Variants in PCDHGB7 observed in about 807,000 individuals in gnomAD.
PCDHGB7 encodes protocadherin gamma-B7.
A neutral mutation model predicts 61.4 loss-of-function variants in PCDHGB7; 37 were observed. That is an observed-to-expected ratio of 0.60 (90% CI 0.46 to 0.79). The LOEUF is 0.79. Ranked by LOEUF, PCDHGB7 falls within the 30% of genes least tolerant of loss-of-function variation. The pLI, the probability that PCDHGB7 is intolerant of heterozygous loss-of-function variation, is 0.00. For synonymous variants in PCDHGB7, 464 were observed against 503.5 expected (o/e 0.92, Z 1.05); for missense variants, 1,166 against 1,202.5 (o/e 0.97, Z 0.45).
intron 1 of PCDHGB7, chr5:141,478,700 C>A: frequency 1.3e-6 from 2 of 1,549,172 alleles, no homozygotes; most frequent in Non-Finnish European, 1.7e-6. Flanking sequence ...AAAGTTAGTG[C>A]CTTTGTGAGA....
intron 1 of PCDHGB7, chr5:141,430,951 C>T (rs200771871): frequency 3.2e-5 from 51 of 1,610,496 alleles, no homozygotes; most frequent in African/African-American, 1.5e-4. Context: ...AGCGCGGAGT[C>T]CGCATCATCC....
intron 1 of PCDHGB7, among the ~76,000 whole-genome samples, chr5:141,448,632 T>G (rs1383720361): frequency 1.3e-5 from 2 of 152,106 alleles, no homozygotes; most frequent in Admixed American, 1.3e-4. Context: ...TTCTTCACAT[T>G]ATATCCTTTA....
Position 141,485,538 on chromosome 5 carries a change from A to T in PCDHGB7, c.2416-9269A>T. ...TTGGAAATGTACCGAGCAGAGGTAG[A>T]GATCGTAGATGTGAATGATCACGCC... On this transcript the variant is annotated intron_variant, in intron 1 of 3. Transcript: ENST00000398594. The surrounding 1 kb of genome is among the most constrained non-coding windows in gnomAD (Gnocchi z 5.7). The T allele has an allele frequency of 6.2e-7, 1 of 1,614,162 alleles. No individual in the cohort carries two copies. Among genetic ancestry groups the T allele is most frequent in the Admixed American group, 1.7e-5 (1 of 60,012 alleles).
intron 1 of PCDHGB7, chr5:141,429,169 T>TACAC (rs10667977): frequency 0.077 from 11,199 of 145,388 alleles, 458 homozygotes; most frequent in African/African-American, 0.081. Flanking sequence ...ACATTGTTTA[T>TACAC]ACACACACAC....
chr5:141,486,565 TC>T lies in PCDHGB7; in HGVS notation c.2416-8240del. The T allele has an allele frequency of 6.2e-7, 1 of 1,614,024 alleles. No homozygotes were observed. The highest frequency in any genetic ancestry group is 2.2e-5 in the East Asian group (1 of 44,880). On this transcript the variant is annotated intron_variant, in intron 1 of 3. Transcript: ENST00000398594. This position sits in a 1 kb window ranked among gnomAD's most constrained non-coding sequence, Gnocchi z 5.0. Reference sequence around the variant, plus strand: ...TTCAGAGGTCACATGAGGTGTTTGTTCCTGAGAACAATCGCCCAGGGGACCT... The same window carrying T: ...TTCAGAGGTCACATGAGGTGTTTGTTCTGAGAACAATCGCCCAGGGGACCT...
At chr5:141,433,951 A>G (rs2097667078) in intron 1 of PCDHGB7, among the ~76,000 whole-genome samples, 1 of 152,032 alleles carries the variant, frequency 6.6e-6, no homozygotes, top group African/African-American at 2.4e-5. Context: ...TGTTTCTTCT[A>G]CAGTTGTTAA....
At position 141,476,638 on chromosome 5, in the gene PCDHGB7, G is replaced by A. The variant is rs997136356; in HGVS notation, c.2416-18169G>A. On this transcript the variant is annotated intron_variant, in intron 1 of 3. Transcript: ENST00000398594. This position sits in a 1 kb window ranked among gnomAD's most constrained non-coding sequence, Gnocchi z 7.6. ...GCAACTCTTTACAAACCTATGAGCT[G>A]AGCCGAAATGAATACTTTGCGCTTC... 1.9e-6 allele frequency: 3 copies of A among 1,614,268 alleles called. No homozygotes were observed. Among genetic ancestry groups the A allele is most frequent in the Middle Eastern group, 1.6e-4 (1 of 6,062 alleles).
In PCDHGB7 at chr5:141,431,710, G is replaced by A. The variant is rs1249423969; in HGVS notation, c.2415+11436G>A. On this transcript the variant is annotated intron_variant, in intron 1 of 3. Coordinates refer to ENST00000398594, the MANE Select transcript of PCDHGB7 (RefSeq NM_018927.4). The surrounding 1 kb of genome is among the most constrained non-coding windows in gnomAD (Gnocchi z 4.8). ...ACGAGGAGTCAGGATTCTACCAGAT[G>A]GAAGTGCAAGCAATGGATAATGCAG... is the stretch of plus-strand genomic sequence containing the variant. 3.1e-6 allele frequency: 5 copies of A among 1,614,116 alleles called. No individual in the cohort carries two copies. Among genetic ancestry groups the A allele is most frequent in the South Asian group, 1.1e-5 (1 of 91,088 alleles).
intron 1 of PCDHGB7, chr5:141,441,837 G>A (rs952709777): frequency 2.8e-6 from 1 of 354,138 alleles, no homozygotes. Context: ...ATGGCTTCGC[G>A]CTCTTGGATA....
At position 141,512,047 on chromosome 5, in the gene PCDHGB7, C is replaced by T. The variant is rs1183612907; in HGVS notation, c.*874C>T. 1 of 152,722 alleles carries T rather than the reference C, an allele frequency of 6.5e-6. No individual in the cohort carries two copies. The highest frequency in any genetic ancestry group is 1.5e-5 in the Non-Finnish European group (1 of 68,120). The allele number at this position is 152,722 out of a possible 1,614,324, so 9.5% of individuals were successfully genotyped here. A position where few individuals can be genotyped will look rare whatever the true frequency, so the allele number is the denominator to read the frequency against. On this transcript the variant is annotated 3_prime_UTR_variant, in exon 4 of 4. Coordinates refer to ENST00000398594, the MANE Select transcript of PCDHGB7 (RefSeq NM_018927.4). The stretch of plus-strand genomic sequence containing the variant: ...CCTTGGAGGAGGCTCTGTATGTCCT[C>T]AGGGGACTGACAACATCCTCCAGAT...
intron 1 of PCDHGB7, among the ~76,000 whole-genome samples, chr5:141,442,726 C>A (rs1160438073): frequency 2.6e-5 from 4 of 152,060 alleles, no homozygotes; most frequent in Non-Finnish European, 5.9e-5. Context: ...GCATTTGGGG[C>A]CTGTAGGTAA....
rs759809591 is a variant in PCDHGB7 at position 141,511,048 on chromosome 5, C to T, written c.2665C>T (p.Arg889Cys). The change falls in exon 4 of 4, where the codon CGC becomes TGC. Residue 889 changes from arginine (R) to cysteine (C), a missense_variant. Coordinates refer to ENST00000398594, the MANE Select transcript of PCDHGB7 (RefSeq NM_018927.4). ...QFTLQHVPDY[R>C]QNVYIPGSNA... ...CACCCTGCAGCACGTGCCCGACTAC[C>T]GCCAGAATGTCTACATCCCAGGCAG... 9 of 1,614,224 alleles carry T rather than the reference C, an allele frequency of 5.6e-6. No individual in the cohort carries two copies. The highest frequency in any genetic ancestry group is 1.7e-5 in the Admixed American group (1 of 60,034).
chr5:141,476,747 C>T lies in PCDHGB7; in HGVS notation c.2416-18060C>T. The T allele has an allele frequency of 6.2e-7, 1 of 1,614,066 alleles. No homozygotes were observed. The highest frequency in any genetic ancestry group is 8.5e-7 in the Non-Finnish European group (1 of 1,180,036). On this transcript the variant is annotated intron_variant, in intron 1 of 3. Transcript: ENST00000398594. This position sits in a 1 kb window ranked among gnomAD's most constrained non-coding sequence, Gnocchi z 7.6. The stretch of plus-strand genomic sequence containing the variant: ...GGACCGAGAACGGGAGCCTAGTCTC[C>T]AGTTAGTGCTGACGGCGTTGGACGG...
chr5:141,450,150 G>T (rs1314865325), intron 1 of PCDHGB7, among the ~76,000 whole-genome samples: 1 of 150,342 alleles, frequency 6.7e-6, no homozygotes, highest in Non-Finnish European at 1.5e-5. Flanking sequence ...GGGACTACAG[G>T]CATGTGCCAC....
chr5:141,463,097 C>A (rs1333118215), intron 1 of PCDHGB7, among the ~76,000 whole-genome samples: 2 of 152,152 alleles, frequency 1.3e-5, no homozygotes, highest in East Asian at 3.8e-4. Context: ...CCCTATGTGA[C>A]CATCAAGAAT....
chr5:141,424,005 C>A, intron 1 of PCDHGB7: 1 of 1,070,322 alleles, frequency 9.3e-7, no homozygotes. Context: ...TATATAGATA[C>A]AAATTAATGA....
chr5:141,493,560 C>T lies in PCDHGB7; in HGVS notation c.2416-1247C>T, dbSNP rs1222578153. ...TTATCCTTTTGGAGATTGAGTTCCCCCAGCTCCGTTTCCTCCTATCACAAT... is the reference window on the plus strand; with the variant it reads ...TTATCCTTTTGGAGATTGAGTTCCCTCAGCTCCGTTTCCTCCTATCACAAT... On this transcript the variant is annotated intron_variant, in intron 1 of 3. Transcript: ENST00000398594. The surrounding 1 kb of genome is among the most constrained non-coding windows in gnomAD (Gnocchi z 4.3). Among the ~76,000 whole-genome samples, 4 of 152,162 alleles carry T rather than the reference C, an allele frequency of 2.6e-5. No individual in the cohort carries two copies. The highest frequency in any genetic ancestry group is 2.1e-4 in the South Asian group (1 of 4,830).
intron 1 of PCDHGB7, 62 bp from the exon 2 acceptor site, chr5:141,494,745 G>T: frequency 1.2e-6 from 2 of 1,612,802 alleles, no homozygotes; most frequent in African/African-American, 1.3e-5. Context: ...ATCCCTAGGG[G>T]CTCGGGTGAC....
chr5:141,422,188 C>T, intron 1 of PCDHGB7: 1 of 1,561,742 alleles, frequency 6.4e-7, no homozygotes. Context: ...GATGGAAATT[C>T]AAGGCCAAGA....
Sources: gnomAD v4.1 joint callset for allele counts (sites outside exome capture counted in the v4.1 genomes callset) on GRCh38, gnomAD v4.1.1 for gene constraint, Gnocchi (gnomAD v3.1) non-coding constraint, MANE v1.5 for transcripts, NCBI Gene and HGNC (gene_info 2026-07-23, HGNC 2026-07-21) for gene names.